CCDC152: variants seen among roughly 807,000 people sequenced by gnomAD.
CCDC152 encodes coiled-coil domain containing 152.
Under a neutral mutation model 38.1 loss-of-function variants are expected in CCDC152, and 37 were observed. The observed-to-expected ratio is 0.97, with a 90% CI of 0.75 to 1.28. The LOEUF is 1.28. Among genes scored for constraint, CCDC152 ranks in the 50% most tolerant of loss-of-function variants. The pLI, the probability that CCDC152 is intolerant of heterozygous loss-of-function variation, is 0.00. For missense variants in CCDC152, 259 were observed against 292.1 expected (o/e 0.89, Z 0.83); for synonymous variants, 83 against 87.1 (o/e 0.95, Z 0.26).
chr5:42,760,507 G>A (rs1399535092), intron 2 of CCDC152, among the ~76,000 whole-genome samples: 1 of 152,076 alleles, frequency 6.6e-6, no homozygotes, highest in Non-Finnish European at 1.5e-5. Flanking sequence ...TGGACAAATG[G>A]TAGACCAAAC....
intron 6 of CCDC152, among the ~76,000 whole-genome samples, chr5:42,793,057 T>A (rs1760026511): frequency 1.3e-5 from 2 of 152,166 alleles, no homozygotes; most frequent in African/African-American, 4.8e-5. Flanking sequence ...GCAAATCCAT[T>A]AACATAAATA....
chr5:42,800,513 C>G lies in CCDC152; in HGVS notation c.*732C>G. 1.8e-6 allele frequency: 1 copy of G among 557,020 alleles called. No homozygotes were observed. The highest frequency in any genetic ancestry group is 3.0e-6 in the Non-Finnish European group (1 of 333,056). 34.5% of individuals were successfully genotyped at this position (557,020 alleles called of 1,614,324 possible). A position where few individuals can be genotyped will look rare whatever the true frequency, so the allele number is the denominator to read the frequency against. ...CATATTAACCAAAAGCTGCAATCACCTTTCAGTTGCTCCATCATAAAAAAT... is the reference window on the plus strand; with the variant it reads ...CATATTAACCAAAAGCTGCAATCACGTTTCAGTTGCTCCATCATAAAAAAT... On this transcript the variant is annotated 3_prime_UTR_variant, in exon 9 of 9. Transcript: ENST00000361970.
chr5:42,771,072 T>C (rs1463622868), intron 4 of CCDC152, among the ~76,000 whole-genome samples: 1 of 152,220 alleles, frequency 6.6e-6, no homozygotes, highest in African/African-American at 2.4e-5. Context: ...TCTTCTGTTC[T>C]GATTTGGATG....
At chr5:42,759,646 C>T (rs1759523356) in intron 2 of CCDC152, among the ~76,000 whole-genome samples, 1 of 152,138 alleles carries the variant, frequency 6.6e-6, no homozygotes, top group African/African-American at 2.4e-5. Context: ...GTCAGTCCTG[C>T]CCAGGTTGTG....
At chr5:42,779,684 G>A (rs1374878145) in intron 5 of CCDC152, among the ~76,000 whole-genome samples, 162 bp downstream of exon 5, 2 of 150,574 alleles carry the variant, frequency 1.3e-5, no homozygotes, top group African/African-American at 4.9e-5. Flanking sequence ...TTTAGTAAAT[G>A]ACAATTTGTT....
intron 1 of CCDC152, among the ~76,000 whole-genome samples, chr5:42,757,708 T>C (rs1759499300): frequency 6.6e-6 from 1 of 152,224 alleles, no homozygotes. Flanking sequence ...AGGGATATCA[T>C]GCAACGATAG....
At chr5:42,791,967 CT>C (rs975638702) in intron 6 of CCDC152, among the ~76,000 whole-genome samples, 2 of 152,142 alleles carry the variant, frequency 1.3e-5, no homozygotes, top group Admixed American at 1.3e-4. Flanking sequence ...CATCTTGACC[CT>C]AGTTATTGAC....
At chr5:42,771,318 A>T (rs868182922) in intron 4 of CCDC152, among the ~76,000 whole-genome samples, 10 of 152,106 alleles carry the variant, frequency 6.6e-5, no homozygotes, top group Non-Finnish European at 8.8e-5. Context: ...AAAAGGAAAA[A>T]ATATATATAT....
chr5:42,772,372 T>C (rs1376825711), intron 4 of CCDC152, among the ~76,000 whole-genome samples: 1 of 152,188 alleles, frequency 6.6e-6, no homozygotes, highest in African/African-American at 2.4e-5. Flanking sequence ...ACTTTCTCTT[T>C]AAGATCCAGT....
intron 3 of CCDC152, among the ~76,000 whole-genome samples, chr5:42,767,137 TTG>T (rs978764101): frequency 2.0e-5 from 3 of 152,072 alleles, no homozygotes; most frequent in African/African-American, 7.2e-5. Flanking sequence ...AAAGCATAAG[TTG>T]TCATAAGAAT....
In CCDC152 at chr5:42,799,708, G is replaced by T; in HGVS notation, c.692G>T (p.Arg231Leu). 2 of 1,550,712 alleles carry T rather than the reference G, an allele frequency of 1.3e-6. No homozygotes were observed. The highest frequency in any genetic ancestry group is 2.0e-5 in the Admixed American group (1 of 50,958). ...AAAAACAAGGAGATTGCAATTCTTC[G>T]TAATACCATTCGCGATTTAGAGCAA... ...EEKNKEIAIL[R>L]NTIRDLEQRL... Residue 231 changes from arginine (R) to leucine (L), a missense_variant, in exon 9 of 9, where the codon CGT (arginine) becomes CTT (leucine). Transcript: ENST00000361970.
intron 4 of CCDC152, among the ~76,000 whole-genome samples, chr5:42,772,701 T>G (rs1398148422): frequency 6.6e-6 from 1 of 152,086 alleles, no homozygotes; most frequent in African/African-American, 2.4e-5. Context: ...GTATGATGTC[T>G]CTTGCAAATA....
At chr5:42,797,041 C>A in intron 7 of CCDC152, 85 bp downstream of exon 7, 1 of 1,067,002 alleles carries the variant, frequency 9.4e-7, no homozygotes, top group Non-Finnish European at 1.3e-6. Context: ...CAGTGAGATA[C>A]ATTTTAGGAT....
intron 6 of CCDC152, 107 bp from the exon 7 acceptor site, chr5:42,796,722 A>C (rs1310798590): frequency 2.7e-6 from 2 of 741,610 alleles, no homozygotes; most frequent in Non-Finnish European, 4.0e-6. Flanking sequence ...ATGTTTCATT[A>C]ATAAAATTTA....
intron 6 of CCDC152, among the ~76,000 whole-genome samples, chr5:42,794,087 T>C (rs1448978817): frequency 6.6e-6 from 1 of 152,218 alleles, no homozygotes; most frequent in Non-Finnish European, 1.5e-5. Flanking sequence ...ATATCTACTC[T>C]GAGACAGGGA....
chr5:42,770,668 G>A (rs1759685263), intron 4 of CCDC152, among the ~76,000 whole-genome samples: 1 of 152,084 alleles, frequency 6.6e-6, no homozygotes, highest in Non-Finnish European at 1.5e-5. Flanking sequence ...GTCTACTTCT[G>A]TAAAGAATGT....
chr5:42,776,348 G>A (rs569376622), intron 4 of CCDC152, among the ~76,000 whole-genome samples: 86 of 152,122 alleles, frequency 5.7e-4, no homozygotes, highest in Non-Finnish European at 9.7e-4. Flanking sequence ...GGATAAAAAG[G>A]GGTATTACAT....
At chr5:42,771,127 A>T (rs1759694511) in intron 4 of CCDC152, among the ~76,000 whole-genome samples, 1 of 152,144 alleles carries the variant, frequency 6.6e-6, no homozygotes, top group South Asian at 2.1e-4. Context: ...GATTTCCAAC[A>T]CTATGTTGAA....
At chr5:42,777,481 AAG>A (rs1204887163) in intron 4 of CCDC152, among the ~76,000 whole-genome samples, 51 of 138,868 alleles carry the variant, frequency 3.7e-4, no homozygotes, top group Non-Finnish European at 6.7e-4. Context: ...AAAAAAAAAG[AAG>A]AAGAAGAAGA....
Sources: gnomAD v4.1 joint callset for allele counts (sites outside exome capture counted in the v4.1 genomes callset) on GRCh38, gnomAD v4.1.1 for gene constraint, MANE v1.5 for transcripts, NCBI Gene and HGNC (gene_info 2026-07-23, HGNC 2026-07-21) for gene names.